Variants in USP32 observed in about 807,000 individuals in gnomAD.
The protein encoded by USP32 is ubiquitin carboxyl-terminal hydrolase 32.
Under a neutral mutation model 204.8 loss-of-function variants are expected in USP32, and 59 were observed. That is an observed-to-expected ratio of 0.29 (90% CI 0.23 to 0.36). USP32 has a LOEUF of 0.36. Ranked by LOEUF, USP32 falls within the 10% of genes least tolerant of loss-of-function variation. The pLI is 1.00. For synonymous variants in USP32, 517 were observed against 678.4 expected (o/e 0.76, Z 3.70); for missense variants, 1,160 against 1,946.4 (o/e 0.60, Z 7.60).
chr17:60,419,072 T>C, intron 1 of USP32, among the ~76,000 whole-genome samples: 1 of 152,214 alleles, frequency 6.6e-6, no homozygotes, highest in East Asian at 1.9e-4. Flanking sequence ...CTCGTATATT[T>C]ATTACAGCAC....
intron 11 of USP32, among the ~76,000 whole-genome samples, chr17:60,236,538 G>A (rs1216269134): frequency 6.6e-6 from 1 of 151,338 alleles, no homozygotes; most frequent in African/African-American, 2.4e-5. Flanking sequence ...TACATTTTTT[G>A]CAGAATGTTC....
chr17:60,190,633 C>T lies in USP32; in HGVS notation c.3572G>A (p.Gly1191Glu). ...CCAATCCACAGCGATATAGGCATTT[C>T]CAATGAAAGCTCTGTCTTCCCCACA... ...IDCGEDRAFI[G>E]NAYIAVDWDP... is the part of the protein sequence containing the mutation. The change falls in exon 29 of 34, where the codon GGA (glycine) becomes GAA (glutamate). Residue 1191 changes from glycine (G) to glutamate (E), a missense_variant. Physicochemically the swap from Gly to Glu is moderately conservative, Grantham distance 98. Around this residue, in one of 8 missense-constraint regions of USP32, gnomAD observed 160 missense variants for 322.5 expected, o/e 0.50. Transcript: ENST00000300896. 1 of 1,605,426 alleles carries T rather than the reference C, an allele frequency of 6.2e-7. No homozygotes were observed. Among genetic ancestry groups the T allele is most frequent in the South Asian group, 1.1e-5 (1 of 88,434 alleles).
At chr17:60,276,119 C>T (rs997609881) in intron 5 of USP32, among the ~76,000 whole-genome samples, 6 of 152,042 alleles carry the variant, frequency 3.9e-5, no homozygotes, top group Admixed American at 6.6e-5. Context: ...TGGCTCACAC[C>T]TATAATCCCA....
At chr17:60,340,797 G>C (rs1216236408) in intron 2 of USP32, among the ~76,000 whole-genome samples, 1 of 152,212 alleles carries the variant, frequency 6.6e-6, no homozygotes, top group African/African-American at 2.4e-5. Context: ...TGTTTTTGCA[G>C]TGGCTGGTAC....
chr17:60,183,065 T>C (rs2084153944), intron 31 of USP32, 100 bp downstream of exon 31: 4 of 1,477,654 alleles, frequency 2.7e-6, no homozygotes, highest in Non-Finnish European at 3.6e-6. Flanking sequence ...ATAGGTTCTT[T>C]CCACCCAACC....
At position 60,391,871 on chromosome 17, in the gene USP32, TC is replaced by T; in HGVS notation, c.58+10del. The T allele has an allele frequency of 6.9e-7, 1 of 1,457,308 alleles. No homozygotes were observed. The highest frequency in any genetic ancestry group is 1.6e-5 in the African/African-American group (1 of 61,652). 90.3% of individuals were successfully genotyped at this position (1,457,308 alleles called of 1,614,324 possible). On this transcript the variant is annotated intron_variant, in intron 1 of 33. Coordinates refer to ENST00000300896, the MANE Select transcript of USP32 (RefSeq NM_032582.4). The stretch of plus-strand genomic sequence containing the variant: ...CTCCCAGGCAGCTCGCCCAGACCCC[TC>T]CCCCCTCACCTCTCCTCAGCGCCTC...
At chr17:60,255,110 G>T in intron 10 of USP32, 65 bp downstream of exon 10, 4 of 1,139,472 alleles carry the variant, frequency 3.5e-6, no homozygotes, top group Non-Finnish European at 5.1e-6. Context: ...GCTACTATAT[G>T]ATGGAAAAGA....
intron 1 of USP32, chr17:60,422,144 G>T (rs1054363916): frequency 1.3e-5 from 4 of 305,708 alleles, no homozygotes; most frequent in Non-Finnish European, 2.3e-5. Context: ...AATCAGAAAA[G>T]AATTTTACAA....
chr17:60,189,327 T>C (rs892223970), intron 29 of USP32, among the ~76,000 whole-genome samples: 6 of 152,226 alleles, frequency 3.9e-5, no homozygotes, highest in African/African-American at 1.4e-4. Context: ...AGGTCTAGAA[T>C]TGGTAGTTTC....
chr17:60,379,882 G>C (rs2089616836), intron 1 of USP32, among the ~76,000 whole-genome samples: 1 of 152,114 alleles, frequency 6.6e-6, no homozygotes, highest in Admixed American at 6.6e-5. Flanking sequence ...CAATCATCAA[G>C]CATATGCTAA....
chr17:60,388,105 G>T (rs755318661), intron 1 of USP32, among the ~76,000 whole-genome samples: 4 of 151,934 alleles, frequency 2.6e-5, no homozygotes, highest in Non-Finnish European at 4.4e-5. Flanking sequence ...CTGAATTAAT[G>T]AGCAAAAGGA....
At chr17:60,306,225 A>G (rs144355273) in intron 2 of USP32, among the ~76,000 whole-genome samples, 23 of 152,358 alleles carry the variant, frequency 1.5e-4, no homozygotes, top group African/African-American at 5.5e-4. Flanking sequence ...GAGTGTGAAT[A>G]GGATAGCAAG....
chr17:60,418,512 G>C (rs189965714), intron 1 of USP32, among the ~76,000 whole-genome samples: 67 of 151,482 alleles, frequency 4.4e-4, no homozygotes, highest in African/African-American at 1.5e-3. Context: ...AGTGACTAAT[G>C]GGATCTAATT....
chr17:60,345,704 AG>A (rs1383784504), intron 1 of USP32, 96 bp from the exon 2 acceptor site: 4 of 1,521,382 alleles, frequency 2.6e-6, no homozygotes, highest in Non-Finnish European at 3.6e-6. Context: ...AATTGAGGCT[AG>A]GCACAGTGGC....
At chr17:60,292,254 G>A (rs1278982045) in intron 4 of USP32, among the ~76,000 whole-genome samples, 2 of 151,982 alleles carry the variant, frequency 1.3e-5, no homozygotes, top group African/African-American at 4.8e-5. Flanking sequence ...AACACTGGAT[G>A]ACAGGACTCA....
At chr17:60,245,742 T>C (rs2086003645) in intron 11 of USP32, 1 of 153,604 alleles carries the variant, frequency 6.5e-6, no homozygotes, top group African/African-American at 2.4e-5. Flanking sequence ...CCGTCTGGTG[T>C]CACTTATTTT....
intron 1 of USP32, among the ~76,000 whole-genome samples, chr17:60,362,570 C>G (rs1386138988): frequency 4.6e-5 from 7 of 152,210 alleles, no homozygotes; most frequent in Non-Finnish European, 1.0e-4. Context: ...TACTTAAACG[C>G]TGCAGGAGAG....
chr17:60,360,605 G>A (rs1425392760), intron 1 of USP32, among the ~76,000 whole-genome samples: 2 of 151,934 alleles, frequency 1.3e-5, no homozygotes, highest in African/African-American at 4.8e-5. Context: ...TTGCAGGGAG[G>A]CAGAGGTTGC....
At chr17:60,348,693 G>A (rs1002335022) in intron 1 of USP32, among the ~76,000 whole-genome samples, 7 of 151,992 alleles carry the variant, frequency 4.6e-5, no homozygotes, top group South Asian at 2.1e-4. Flanking sequence ...ACTTGAGCCC[G>A]GGAAGTCAAG....
Sources: gnomAD v4.1 joint callset for allele counts (sites outside exome capture counted in the v4.1 genomes callset) on GRCh38, gnomAD v4.1.1 for gene constraint, gnomAD v4.1.1 regional missense constraint, MANE v1.5 for transcripts, NCBI Gene and HGNC (gene_info 2026-07-23, HGNC 2026-07-21) for gene names.